CTNNA3: variants seen among roughly 807,000 people sequenced by gnomAD.
The protein encoded by CTNNA3 is catenin alpha 3.
Under a neutral mutation model 95.7 loss-of-function variants are expected in CTNNA3, and 76 were observed. The observed-to-expected ratio is 0.79, with a 90% CI of 0.66 to 0.96. The LOEUF (loss-of-function observed/expected upper bound fraction) is 0.96. Among genes scored for constraint, CTNNA3 ranks in the 40% least tolerant of loss-of-function variants. CTNNA3 has a pLI of 0.00. For synonymous variants in CTNNA3, 431 were observed against 374.4 expected, an observed-to-expected ratio of 1.15 and a Z score of -1.74; for missense variants, 1,191 against 1,089.8, an observed-to-expected ratio of 1.09 and a Z score of -1.31.
Position 66,694,436 on chromosome 10 carries a change from C to G in CTNNA3, c.1281+71828G>C, listed in dbSNP as rs1425888065. On this transcript the variant is annotated intron_variant, in intron 9 of 17. Coordinates refer to ENST00000433211, the MANE Select transcript of CTNNA3 (RefSeq NM_013266.4). The stretch of plus-strand genomic sequence containing the variant: ...AGAAGAAGTTGAATCTCTGAATACA[C>G]CAATAACAGGCTCTGAAATTGTGGC... Among the ~76,000 whole-genome samples the G allele has an allele frequency of 2.0e-5, 3 of 152,260 alleles. No homozygotes were observed. In the East Asian group the frequency reaches 5.8e-4, roughly 29 times the overall value.
At chr10:67,744,468 G>C (rs1170147068) in intron 1 of CTNNA3, among the ~76,000 whole-genome samples, 5 of 151,196 alleles carry the variant, frequency 3.3e-5, no homozygotes, top group African/African-American at 4.8e-5. Flanking sequence ...AGCTGAAACT[G>C]GATCCCTTCC....
intron 11 of CTNNA3, among the ~76,000 whole-genome samples, chr10:66,382,375 G>A (rs990199864): frequency 6.6e-6 from 1 of 152,186 alleles, no homozygotes; most frequent in African/African-American, 2.4e-5. Context: ...GCCTGGCTGG[G>A]GAAGGGGAAT....
chr10:66,183,868 G>A (rs369019490), intron 13 of CTNNA3, among the ~76,000 whole-genome samples: 1 of 151,458 alleles, frequency 6.6e-6, no homozygotes, highest in East Asian at 1.9e-4. Flanking sequence ...CAATTTTTTG[G>A]CTTTTTCCAA....
At chr10:67,586,074 A>C (rs1192051501) in intron 3 of CTNNA3, among the ~76,000 whole-genome samples, 1 of 152,112 alleles carries the variant, frequency 6.6e-6, no homozygotes, top group Non-Finnish European at 1.5e-5. Context: ...TAATTTCTTC[A>C]TTGACCCAGT....
At chr10:65,959,256 G>T (rs1286256286) in intron 17 of CTNNA3, among the ~76,000 whole-genome samples, 1 of 152,122 alleles carries the variant, frequency 6.6e-6, no homozygotes, top group African/African-American at 2.4e-5. Context: ...ACAGTATTAG[G>T]GTGGGAGTGT....
At chr10:66,494,726 T>C (rs926087595) in intron 11 of CTNNA3, among the ~76,000 whole-genome samples, 1 of 152,166 alleles carries the variant, frequency 6.6e-6, no homozygotes, top group African/African-American at 2.4e-5. Context: ...ATCAAGCCAT[T>C]TATTTTTAAA....
chr10:66,991,775 A>G (rs777687723), intron 7 of CTNNA3, among the ~76,000 whole-genome samples: 1 of 152,214 alleles, frequency 6.6e-6, no homozygotes, highest in Non-Finnish European at 1.5e-5. Flanking sequence ...TTCATAAAGT[A>G]TATCACATGT....
At chr10:66,241,396 C>A (rs1302022738) in intron 13 of CTNNA3, among the ~76,000 whole-genome samples, 41 of 151,820 alleles carry the variant, frequency 2.7e-4, no homozygotes, top group Admixed American at 2.4e-3. Flanking sequence ...AAAGGTTGAC[C>A]TTTTCAATCA....
Position 67,490,078 on chromosome 10 carries a change from T to C in CTNNA3, c.579+31764A>G, listed in dbSNP as rs1451756023. Reference sequence around the variant, plus strand: ...TGGTCATAAATTTTGAAGGCCCTAATTTGCTTTCCATTGCCCATGTTCTAA... The same window carrying C: ...TGGTCATAAATTTTGAAGGCCCTAACTTGCTTTCCATTGCCCATGTTCTAA... On this transcript the variant is annotated intron_variant, in intron 5 of 17. Coordinates refer to ENST00000433211, the MANE Select transcript of CTNNA3 (RefSeq NM_013266.4). 2.0e-5 allele frequency among the ~76,000 whole-genome samples: 3 copies of C among 152,270 alleles called. No individual in the cohort carries two copies. In the East Asian group the frequency reaches 5.8e-4, roughly 29 times the overall value.
At chr10:66,195,767 T>A (rs1473711902) in intron 13 of CTNNA3, among the ~76,000 whole-genome samples, 1 of 152,238 alleles carries the variant, frequency 6.6e-6, no homozygotes, top group Non-Finnish European at 1.5e-5. Context: ...TTATTGCATA[T>A]GTTGCCTTGG....
At chr10:66,684,507 A>G (rs1847177435) in intron 9 of CTNNA3, among the ~76,000 whole-genome samples, 1 of 152,178 alleles carries the variant, frequency 6.6e-6, no homozygotes, top group Non-Finnish European at 1.5e-5. Context: ...TGGCAGAAAA[A>G]TAAGATTCAT....
chr10:67,287,045 A>G (rs921708378), intron 5 of CTNNA3, among the ~76,000 whole-genome samples: 1 of 152,110 alleles, frequency 6.6e-6, no homozygotes, highest in African/African-American at 2.4e-5. Context: ...TGGAACATGA[A>G]AAAACATGCT....
Position 66,308,322 on chromosome 10 carries a change from C to T in CTNNA3, c.1733-27701G>A, listed in dbSNP as rs866385419. 5.9e-5 allele frequency among the ~76,000 whole-genome samples: 9 copies of T among 151,982 alleles called. No homozygotes were observed. In the South Asian group the frequency reaches 1.0e-3, roughly 18 times the overall value. On this transcript the variant is annotated intron_variant, in intron 12 of 17. Coordinates refer to ENST00000433211, the MANE Select transcript of CTNNA3 (RefSeq NM_013266.4). ...ACTTTTTCTCTTTGTTCTGCAAATT[C>T]GATATTTTTCTAAATTTTGAGATTC...
chr10:66,560,180 C>T (rs76098712), intron 10 of CTNNA3, among the ~76,000 whole-genome samples: 7,600 of 152,088 alleles, frequency 0.05, 247 homozygotes, highest in African/African-American at 0.075. Context: ...AATAAAAACT[C>T]CTTGTGTTCC....
intron 15 of CTNNA3, among the ~76,000 whole-genome samples, chr10:66,019,825 T>C (rs1042512541): frequency 3.9e-5 from 6 of 152,206 alleles, no homozygotes; most frequent in Non-Finnish European, 5.9e-5. Context: ...TTAACTTTTT[T>C]TGTTTTCTGT....
At chr10:67,475,627 A>C (rs532342947) in intron 5 of CTNNA3, among the ~76,000 whole-genome samples, 8 of 152,344 alleles carry the variant, frequency 5.3e-5, no homozygotes, top group Non-Finnish European at 1.0e-4. Context: ...GATTCCAGTC[A>C]AAAACAACAA....
chr10:66,649,936 A>G (rs1202688273), intron 9 of CTNNA3, among the ~76,000 whole-genome samples: 8 of 152,228 alleles, frequency 5.3e-5, no homozygotes, highest in African/African-American at 1.9e-4. Context: ...ACAAGCCGGA[A>G]GCTAAAACAT....
chr10:66,430,365 C>T (rs2131744405), intron 11 of CTNNA3, among the ~76,000 whole-genome samples: 1 of 152,242 alleles, frequency 6.6e-6, no homozygotes, highest in East Asian at 1.9e-4. Context: ...TCCCCTCAAG[C>T]TACCAATGAC....
intron 1 of CTNNA3, among the ~76,000 whole-genome samples, chr10:67,717,728 G>T (rs1025891957): frequency 6.6e-6 from 1 of 152,158 alleles, no homozygotes; most frequent in Admixed American, 6.5e-5. Context: ...TAGCCTTGTA[G>T]TATAGTTTGA....
Sources: gnomAD v4.1 joint callset for allele counts (sites outside exome capture counted in the v4.1 genomes callset) on GRCh38, gnomAD v4.1.1 for gene constraint, MANE v1.5 for transcripts, NCBI Gene and HGNC (gene_info 2026-07-23, HGNC 2026-07-21) for gene names.